Variants in EML6 observed in about 807,000 individuals in gnomAD.
The protein encoded by EML6 is echinoderm microtubule-associated protein-like 6.
EML6 carries 154 observed loss-of-function variants against 240.1 expected under a neutral mutation model. The observed-to-expected ratio is 0.64, with a 90% CI of 0.56 to 0.73. The LOEUF is 0.73. Among genes scored for constraint, EML6 ranks in the 30% least tolerant of loss-of-function variants. The pLI is 0.00. For synonymous variants in EML6, 1,148 were observed against 899.0 expected, an observed-to-expected ratio of 1.28 and a Z score of -4.95; for missense variants, 2,964 against 2,474.6, an observed-to-expected ratio of 1.20 and a Z score of -4.20.
At chr2:54,875,595 T>C (rs1347468285) in intron 16 of EML6, among the ~76,000 whole-genome samples, 1 of 152,220 alleles carries the variant, frequency 6.6e-6, no homozygotes, top group African/African-American at 2.4e-5. Flanking sequence ...TGTGTGAGGA[T>C]TTAGATTGTT....
At chr2:54,898,661 G>T (rs954482157) in intron 21 of EML6, among the ~76,000 whole-genome samples, 2 of 152,070 alleles carry the variant, frequency 1.3e-5, no homozygotes, top group Non-Finnish European at 2.9e-5. Context: ...ATTTCTCTTT[G>T]GAAAGCCACC....
intron 2 of EML6, among the ~76,000 whole-genome samples, chr2:54,770,483 C>T (rs887109754): frequency 1.3e-5 from 2 of 152,174 alleles, no homozygotes; most frequent in Non-Finnish European, 2.9e-5. Flanking sequence ...TGCCCTTTGG[C>T]TTCTGTAATA....
chr2:54,905,681 A>T (rs1673291800), intron 24 of EML6, among the ~76,000 whole-genome samples: 2 of 152,070 alleles, frequency 1.3e-5, no homozygotes. Context: ...ATTCCCATTA[A>T]ATGATAACTT....
intron 36 of EML6, among the ~76,000 whole-genome samples, chr2:54,963,257 G>T (rs544149690): frequency 6.6e-6 from 1 of 152,308 alleles, no homozygotes; most frequent in South Asian, 2.1e-4. Flanking sequence ...AGTGTTTGTT[G>T]TATTTTTAGT....
At position 54,766,347 on chromosome 2, in the gene EML6, C is replaced by T. The variant is rs183251882; in HGVS notation, c.197+41089C>T. 3.3e-5 allele frequency among the ~76,000 whole-genome samples: 5 copies of T among 152,290 alleles called. No individual in the cohort carries two copies. In the East Asian group the frequency reaches 9.6e-4, roughly 29 times the overall value. On this transcript the variant is annotated intron_variant, in intron 2 of 41. Transcript: ENST00000356458. Reference sequence around the variant, plus strand: ...CTGTTTTGTCTTCTTTGATCTAGAACATTTCCTTAGTCTTTCTTTGTCTTT... The same window carrying T: ...CTGTTTTGTCTTCTTTGATCTAGAATATTTCCTTAGTCTTTCTTTGTCTTT...
intron 2 of EML6, among the ~76,000 whole-genome samples, chr2:54,804,738 C>A (rs1172186326): frequency 6.6e-6 from 1 of 152,226 alleles, no homozygotes; most frequent in Non-Finnish European, 1.5e-5. Flanking sequence ...TCTTTCCTAT[C>A]TGCAATCTAC....
In EML6 at chr2:54,952,166, C is replaced by T. The variant is rs572149175; in HGVS notation, c.4214-428C>T. Among the ~76,000 whole-genome samples the T allele has an allele frequency of 3.9e-5, 6 of 152,226 alleles. No individual in the cohort carries two copies. In the East Asian group the frequency reaches 9.7e-4, roughly 24 times the overall value. ...CATATTCCACATGAAGAAGTGGTAC[C>T]ATTTTGCTCAGTAAAGCATCATCTC... is the stretch of plus-strand genomic sequence containing the variant. On this transcript the variant is annotated intron_variant, in intron 30 of 41. Coordinates refer to ENST00000356458, the MANE Select transcript of EML6 (RefSeq NM_001039753.4).
At chr2:54,952,774 T>C in intron 31 of EML6, 82 bp downstream of exon 31, 1 of 936,310 alleles carries the variant, frequency 1.1e-6, no homozygotes, top group Non-Finnish European at 1.7e-6. Context: ...AGGGAGTGGG[T>C]GGGTTGCTTA....
At chr2:54,739,356 C>T (rs1404568694) in intron 2 of EML6, among the ~76,000 whole-genome samples, 2 of 152,178 alleles carry the variant, frequency 1.3e-5, no homozygotes, top group Non-Finnish European at 2.9e-5. Flanking sequence ...GTGCTGCTAA[C>T]ACTTCTATGG....
chr2:54,805,295 C>G (rs543065291), intron 2 of EML6, among the ~76,000 whole-genome samples: 12 of 152,202 alleles, frequency 7.9e-5, no homozygotes, highest in Admixed American at 6.5e-4. Flanking sequence ...TAGACATTTC[C>G]TTTTGGTTTC....
intron 7 of EML6, among the ~76,000 whole-genome samples, chr2:54,840,041 G>C (rs1256952201): frequency 6.6e-6 from 1 of 152,224 alleles, no homozygotes; most frequent in Admixed American, 6.5e-5. Flanking sequence ...AGATTATTTA[G>C]TTTTTGCTGA....
intron 25 of EML6, 147 bp downstream of exon 25, chr2:54,911,189 C>G (rs556499455): frequency 1.2e-4 from 64 of 516,088 alleles, no homozygotes; most frequent in Non-Finnish European, 2.0e-4. Flanking sequence ...ATTGCTTAAT[C>G]TGGTTTCCAG....
intron 30 of EML6, among the ~76,000 whole-genome samples, chr2:54,951,276 T>C (rs1675962373): frequency 5.3e-5 from 8 of 152,302 alleles, no homozygotes; most frequent in East Asian, 1.9e-4. Context: ...CTCATGCCTG[T>C]AATCCCAGCA....
intron 2 of EML6, among the ~76,000 whole-genome samples, chr2:54,744,962 A>ACACACACACACACACACC (rs1553370078): frequency 1.2e-5 from 1 of 85,966 alleles, no homozygotes; most frequent in East Asian, 3.4e-4. Flanking sequence ...ACACACACAC[A>ACACACACACACACACACC]CCCTGCCATG....
rs766353066 is a variant in EML6, at chr2:54,959,199, C to T, written c.4791C>T (p.Pro1597=). 6.4e-6 allele frequency: 10 copies of T among 1,551,438 alleles called. No homozygotes were observed. The highest frequency in any genetic ancestry group is 2.7e-5 in the African/African-American group (2 of 73,044). ...TGGTGGCCAAGGCTCACACAGGCCCCGTGTTCACAATGTACACAACCCTTC... is the reference window on the plus strand; with the variant it reads ...TGGTGGCCAAGGCTCACACAGGCCCTGTGTTCACAATGTACACAACCCTTC... The part of the protein sequence containing the change: ...IRLVAKAHTG[P]VFTMYTTLRD... The change falls in exon 34 of 42, where the codon CCC becomes CCT. Residue 1597 remains proline (P), a synonymous_variant. Coordinates refer to ENST00000356458, the MANE Select transcript of EML6 (RefSeq NM_001039753.4).
chr2:54,758,433 C>T (rs1667834115), intron 2 of EML6, among the ~76,000 whole-genome samples: 1 of 152,146 alleles, frequency 6.6e-6, no homozygotes. Context: ...TTCTGGACCT[C>T]TATACGTGTG....
chr2:54,866,858 C>G lies in EML6; in HGVS notation c.2025C>G (p.Asp675Glu). ...TCAAACGAGAAAAGGCTCCTGAGGA[C>G]AGCTTGAAACTCCAGTTCATACACG... is the stretch of plus-strand genomic sequence containing the variant. ...PFLKREKAPE[D>E]SLKLQFIHGY... The change falls in exon 14 of 42, where the codon GAC (aspartate) becomes GAG (glutamate). Residue 675 changes from aspartate to glutamate, a missense_variant. Transcript: ENST00000356458. The G allele has an allele frequency of 6.4e-7, 1 of 1,550,530 alleles. No individual in the cohort carries two copies. Among genetic ancestry groups the G allele is most frequent in the Non-Finnish European group, 8.7e-7 (1 of 1,146,020 alleles).
intron 28 of EML6, 24 bp downstream of exon 28, chr2:54,928,775 G>C (rs746718957): frequency 9.7e-6 from 15 of 1,551,580 alleles, no homozygotes; most frequent in Non-Finnish European, 1.3e-5. Flanking sequence ...AGGTTTGCTT[G>C]CTTTTATTAT....
At chr2:54,819,125 T>C (rs1200728882) in intron 4 of EML6, among the ~76,000 whole-genome samples, 2 of 152,208 alleles carry the variant, frequency 1.3e-5, no homozygotes, top group South Asian at 2.1e-4. Flanking sequence ...GTACTTTTTC[T>C]TCAGTGATCT....
Sources: gnomAD v4.1 joint callset for allele counts (sites outside exome capture counted in the v4.1 genomes callset) on GRCh38, gnomAD v4.1.1 for gene constraint, MANE v1.5 for transcripts, NCBI Gene and HGNC (gene_info 2026-07-23, HGNC 2026-07-21) for gene names.